Variants in IL16 observed in about 807,000 individuals in gnomAD.
IL16 encodes the protein interleukin 16.
Under a neutral mutation model 110.1 loss-of-function variants are expected in IL16, and 67 were observed. The ratio of observed to expected loss-of-function variants is 0.61; its 90% confidence interval spans 0.50 to 0.75. The LOEUF is 0.75. Among genes scored for constraint, IL16 ranks in the 30% least tolerant of loss-of-function variants. The pLI is 0.00. For synonymous variants in IL16, 689 were observed against 662.9 expected (o/e 1.04, Z -0.61); for missense variants, 1,545 against 1,655.0 (o/e 0.93, Z 1.15).
At chr15:81,199,543 C>T (rs1895733730) in intron 1 of IL16, among the ~76,000 whole-genome samples, 1 of 150,620 alleles carries the variant, frequency 6.6e-6, no homozygotes, top group South Asian at 2.1e-4. Flanking sequence ...TGGAGATCTC[C>T]ATCGGTCTTG....
At chr15:81,197,447 C>T (rs753331889) in intron 1 of IL16, among the ~76,000 whole-genome samples, 26 of 152,132 alleles carry the variant, frequency 1.7e-4, no homozygotes, top group Non-Finnish European at 2.9e-4. Context: ...CCTGAGATTT[C>T]TGACTTTTCA....
chr15:81,290,515 G>C lies in IL16; in HGVS notation c.1395G>C (p.Lys465Asn). The change falls in exon 11 of 19, where the codon AAG (lysine) becomes AAC (asparagine). Residue 465 changes from lysine (K) to asparagine (N), a missense_variant. Physicochemically the swap from Lys to Asn is moderately conservative, Grantham distance 94 (BLOSUM62 0). Coordinates refer to ENST00000683961, the MANE Select transcript of IL16 (RefSeq NM_172217.5). ...CTGTGGAAAACACCAAGTTTGGAAA[G>C]GAGAGGCATCAGTGGAGTCTGGAAG... ...AQAVENTKFG[K>N]ERHQWSLEGV... is the part of the protein sequence containing the mutation. The C allele has an allele frequency of 6.2e-7, 1 of 1,613,554 alleles. No individual in the cohort carries two copies. Among genetic ancestry groups the C allele is most frequent in the South Asian group, 1.1e-5 (1 of 91,000 alleles).
intron 2 of IL16, among the ~76,000 whole-genome samples, chr15:81,235,154 A>G (rs1246957528): frequency 4.6e-5 from 7 of 152,178 alleles, no homozygotes. Context: ...TTCTCCATTG[A>G]TAGCACAGAC....
intron 10 of IL16, among the ~76,000 whole-genome samples, chr15:81,288,685 G>T (rs1319303433): frequency 6.6e-6 from 1 of 152,000 alleles, no homozygotes; most frequent in Non-Finnish European, 1.5e-5. Flanking sequence ...ACTACTCTAC[G>T]TTCATCGAAG....
At chr15:81,250,494 G>A (rs1897731215) in intron 2 of IL16, among the ~76,000 whole-genome samples, 1 of 152,114 alleles carries the variant, frequency 6.6e-6, no homozygotes, top group South Asian at 2.1e-4. Flanking sequence ...TTGTTTCAAT[G>A]TGTGTTTTAT....
At chr15:81,254,064 G>A (rs928554898) in intron 2 of IL16, among the ~76,000 whole-genome samples, 5 of 152,172 alleles carry the variant, frequency 3.3e-5, no homozygotes, top group African/African-American at 1.2e-4. Context: ...TCAACCACAG[G>A]AAATAAGCCT....
intron 2 of IL16, among the ~76,000 whole-genome samples, chr15:81,251,404 A>G (rs1429747051): frequency 6.6e-6 from 1 of 152,226 alleles, no homozygotes; most frequent in East Asian, 1.9e-4. Flanking sequence ...GGCCTCAAGC[A>G]ATCCTCCAAC....
At position 81,311,652 on chromosome 15, in the gene IL16, A is replaced by C. The variant is rs1900861191; in HGVS notation, c.*2854A>C. 1.3e-5 allele frequency: 2 copies of C among 152,362 alleles called. No individual in the cohort carries two copies. Among genetic ancestry groups the C allele is most frequent in the South Asian group, 4.1e-4 (2 of 4,830 alleles). 9.4% of individuals were successfully genotyped at this position (152,362 alleles called of 1,614,324 possible). A position where few individuals can be genotyped will look rare whatever the true frequency, so the allele number is the denominator to read the frequency against. ...CACCACCTCAGAGTATGGAGCTCAG[A>C]GAGGGCAGGCATGAAGTTTCCTTGG... On this transcript the variant is annotated 3_prime_UTR_variant, in exon 19 of 19. Transcript: ENST00000683961.
At chr15:81,290,205 G>A (rs1004745577) in intron 10 of IL16, among the ~76,000 whole-genome samples, 23 of 152,234 alleles carry the variant, frequency 1.5e-4, no homozygotes, top group African/African-American at 4.8e-4. Flanking sequence ...GTGGGGAGAA[G>A]GTTGGAGAGT....
In IL16 at chr15:81,265,802, G is replaced by A; in HGVS notation, c.564+1G>A. ...GGACTGTCCAGCAGGAAAGGCTGCG[G>A]TAAGAATGGAAGGAGGGAAACTCAG... On this transcript the variant is annotated splice_donor_variant, in intron 4 of 18. Coordinates refer to ENST00000683961, the MANE Select transcript of IL16 (RefSeq NM_172217.5). LOFTEE classifies it high-confidence loss of function. 6.2e-7 allele frequency: 1 copy of A among 1,610,312 alleles called. No homozygotes were observed. The highest frequency in any genetic ancestry group is 8.5e-7 in the Non-Finnish European group (1 of 1,178,024).
chr15:81,299,547 A>G lies in IL16; in HGVS notation c.2221A>G (p.Asn741Asp), dbSNP rs1417305080. The change falls in exon 14 of 19, where the codon AAT becomes GAT. Residue 741 changes from asparagine to aspartate, a missense_variant. By Grantham distance (23) the Asn-to-Asp change is conservative. Transcript: ENST00000683961. Reference sequence around the variant, plus strand: ...CCATGGCCACATGCCTCTACAGCCCAATGCCAGCCTGAATGAAGAAGAAGG... The same window carrying G: ...CCATGGCCACATGCCTCTACAGCCCGATGCCAGCCTGAATGAAGAAGAAGG... The part of the protein sequence containing the change: ...ENHGHMPLQP[N>D]ASLNEEEGTQ... 6.2e-7 allele frequency: 1 copy of G among 1,614,180 alleles called. No homozygotes were observed. Among genetic ancestry groups the G allele is most frequent in the South Asian group, 1.1e-5 (1 of 91,082 alleles).
At position 81,282,730 on chromosome 15, in the gene IL16, C is replaced by T. The variant is rs961986159; in HGVS notation, c.1173C>T (p.Ser391=). 1.9e-6 allele frequency: 3 copies of T among 1,613,876 alleles called. No homozygotes were observed. Among genetic ancestry groups the T allele is most frequent in the African/African-American group, 2.7e-5 (2 of 75,062 alleles). The part of the protein sequence containing the change: ...GIFVHTLSPG[S]VAHLDGRLRC... ...TCGTCCACACGCTGTCACCAGGATC[C>T]GTGGCGCACCTGGACGGACGTCTCC... The change falls in exon 9 of 19, where the codon TCC becomes TCT. Residue 391 remains serine (S), a synonymous_variant. Coordinates refer to ENST00000683961, the MANE Select transcript of IL16 (RefSeq NM_172217.5).
At chr15:81,224,882 A>G (rs1896736026) in intron 1 of IL16, among the ~76,000 whole-genome samples, 1 of 152,142 alleles carries the variant, frequency 6.6e-6, no homozygotes, top group African/African-American at 2.4e-5. Flanking sequence ...GGTCTGCTCT[A>G]TAGACTGGAG....
Position 81,305,919 on chromosome 15 carries a change from G to A in IL16, c.3432G>A (p.Val1144=). ...TTTGGTTTGCTCAGGTTCACAGAGT[G>A]TTTCCAAATGGGCTGGCCTCCCAGG... ...LENKVITVHR[V]FPNGLASQEG... is the part of the protein sequence containing the mutation. Residue 1144 remains valine, a synonymous_variant, in exon 17 of 19, where the codon GTG becomes GTA. Transcript: ENST00000683961. 5 of 1,614,188 alleles carry A rather than the reference G, an allele frequency of 3.1e-6. No individual in the cohort carries two copies. The highest frequency in any genetic ancestry group is 4.2e-6 in the Non-Finnish European group (5 of 1,180,016).
Position 81,303,118 on chromosome 15 carries a change from A to G in IL16, c.3319-431A>G, listed in dbSNP as rs984474712. The G allele has an allele frequency of 6.1e-6, 1 of 164,502 alleles. No homozygotes were observed. 10.2% of individuals were successfully genotyped at this position (164,502 alleles called of 1,614,324 possible). A position where few individuals can be genotyped will look rare whatever the true frequency, so the allele number is the denominator to read the frequency against. ...AGTGCTGCTGCTGTGACCCATGGAG[A>G]AGTAGAAGGGAAGAAGGAGCAACCA... On this transcript the variant is annotated intron_variant, in intron 15 of 18. Transcript: ENST00000683961. This position sits in a 1 kb window ranked among gnomAD's most constrained non-coding sequence, Gnocchi z 4.1.
At chr15:81,262,737 GCCT>G in intron 3 of IL16, among the ~76,000 whole-genome samples, 1 of 152,126 alleles carries the variant, frequency 6.6e-6, no homozygotes, top group South Asian at 2.1e-4. Context: ...TTCGAGACCA[GCCT>G]GACCAACATA....
At chr15:81,297,996 G>T (rs72748437) in intron 13 of IL16, among the ~76,000 whole-genome samples, 2,543 of 152,300 alleles carry the variant, frequency 0.017, 30 homozygotes, top group Non-Finnish European at 0.024. Context: ...TGTGGGTGGA[G>T]GCTCCTCTCC....
Position 81,299,904 on chromosome 15 carries a change from C to G in IL16, c.2578C>G (p.Gln860Glu), listed in dbSNP as rs1475520032. The change falls in exon 14 of 19, where the codon CAG becomes GAG. Residue 860 changes from glutamine (Q) to glutamate (E), a missense_variant. Physicochemically the swap from Gln to Glu is conservative, Grantham distance 29. Coordinates refer to ENST00000683961, the MANE Select transcript of IL16 (RefSeq NM_172217.5). The part of the protein sequence containing the change: ...GSSQLPDKGA[Q>E]RLSLQPSSGE... ...CTCTCAACTGCCTGACAAAGGAGCC[C>G]AGAGACTGAGCCTCCAGCCCTCCTC... 1 of 1,613,564 alleles carries G rather than the reference C, an allele frequency of 6.2e-7. No individual in the cohort carries two copies. The highest frequency in any genetic ancestry group is 1.1e-5 in the South Asian group (1 of 91,088).
chr15:81,302,271 G>C (rs1900325935), intron 15 of IL16: 1 of 152,214 alleles, frequency 6.6e-6, no homozygotes. Context: ...AGCCCAAGGT[G>C]CTGCTGTGCT....
Sources: allele counts gnomAD v4.1 joint callset (sites outside exome capture counted in the v4.1 genomes callset), GRCh38; gene constraint gnomAD v4.1.1; non-coding constraint Gnocchi (gnomAD v3.1); transcripts MANE v1.5; gene names NCBI Gene and HGNC (gene_info 2026-07-23, HGNC 2026-07-21).